SERPINB7: variants seen among roughly 807,000 people sequenced by gnomAD.
SERPINB7 encodes serpin B7.
SERPINB7 carries 31 observed loss-of-function variants against 37.4 expected under a neutral mutation model. That is an observed-to-expected ratio of 0.83 (90% CI 0.62 to 1.12). SERPINB7 has a LOEUF of 1.12. Ranked by LOEUF, SERPINB7 falls within the 50% of genes most tolerant of loss-of-function variation. The pLI is 0.00. For synonymous variants in SERPINB7, 163 were observed against 166.1 expected, an observed-to-expected ratio of 0.98 and a Z score of 0.14; for missense variants, 521 against 455.3, an observed-to-expected ratio of 1.14 and a Z score of -1.31.
intron 2 of SERPINB7, among the ~76,000 whole-genome samples, chr18:63,791,650 G>A (rs1246224764): frequency 6.6e-6 from 1 of 151,618 alleles, no homozygotes; most frequent in African/African-American, 2.4e-5. Flanking sequence ...TCACTCTGTT[G>A]CCCAGGCTGG....
intron 1 of SERPINB7, among the ~76,000 whole-genome samples, chr18:63,781,456 A>C (rs892731076): frequency 1.3e-5 from 2 of 152,234 alleles, no homozygotes; most frequent in African/African-American, 4.8e-5. Flanking sequence ...CCACACCATC[A>C]GATGTAATAT....
intron 1 of SERPINB7, chr18:63,777,835 T>C (rs1006940407): frequency 6.6e-6 from 1 of 151,558 alleles, no homozygotes; most frequent in Non-Finnish European, 1.5e-5. Context: ...GGTAAATACT[T>C]CTGAAGTCCA....
intron 5 of SERPINB7, among the ~76,000 whole-genome samples, chr18:63,796,614 T>C (rs2049491483): frequency 6.6e-6 from 1 of 152,200 alleles, no homozygotes; most frequent in East Asian, 1.9e-4. Flanking sequence ...CATTATCTCA[T>C]TTAATTGGCA....
exon 1 of SERPINB7, chr18:63,753,064 AGG>A (rs2049101400): frequency 1.3e-5 from 2 of 152,674 alleles, no homozygotes; most frequent in Non-Finnish European, 2.9e-5. Context: ...CTTAGGAGGT[AGG>A]AGGCAGGAGG....
In SERPINB7 at chr18:63,755,184, G is replaced by A. The variant is rs566953497; in HGVS notation, c.-19+2064G>A. On this transcript the variant is annotated intron_variant, in intron 1 of 7. Transcript: ENST00000336429. ...CTCCCAAAGTGCTGGGATTACAGGC[G>A]TGAGCCACCGCGCCCGGCCTAAACT... Among the ~76,000 whole-genome samples, 5 of 151,984 alleles carry A rather than the reference G, an allele frequency of 3.3e-5. No homozygotes were observed. The South Asian group carries it at 1.0e-3, about 32-fold the overall frequency.
At chr18:63,797,821 C>T (rs576941545) in intron 5 of SERPINB7, among the ~76,000 whole-genome samples, 4 of 152,336 alleles carry the variant, frequency 2.6e-5, no homozygotes, top group Admixed American at 1.3e-4. Context: ...TCTTCATTAT[C>T]AGGCCCTTGC....
At chr18:63,755,895 A>G (rs1186333884) in intron 1 of SERPINB7, among the ~76,000 whole-genome samples, 1 of 152,152 alleles carries the variant, frequency 6.6e-6, no homozygotes, top group Non-Finnish European at 1.5e-5. Flanking sequence ...CCCTGTCTCT[A>G]AAACAAAAAC....
At chr18:63,788,932 A>T (rs1203552932) in intron 2 of SERPINB7, among the ~76,000 whole-genome samples, 1 of 152,222 alleles carries the variant, frequency 6.6e-6, no homozygotes, top group African/African-American at 2.4e-5. Context: ...ACACTGTAAC[A>T]TTCACACAAT....
chr18:63,756,804 TTGTGTGTGTG>T (rs74169985), intron 1 of SERPINB7, among the ~76,000 whole-genome samples: 83 of 137,342 alleles, frequency 6.0e-4, no homozygotes, highest in African/African-American at 9.9e-4. Flanking sequence ...TTGGGGTAGC[TTGTGTGTGTG>T]TGTGTGTGTG....
chr18:63,798,419 C>A (rs920310437), intron 5 of SERPINB7, among the ~76,000 whole-genome samples, 185 bp from the exon 6 acceptor site: 4 of 151,978 alleles, frequency 2.6e-5, no homozygotes, highest in Non-Finnish European at 4.4e-5. Context: ...AGGATTAAAC[C>A]AAAGATTGCC....
chr18:63,798,118 T>C (rs1599020097), intron 5 of SERPINB7, among the ~76,000 whole-genome samples: 1 of 152,226 alleles, frequency 6.6e-6, no homozygotes, highest in African/African-American at 2.4e-5. Flanking sequence ...TCTTTCATAT[T>C]TGTAATTCAA....
At chr18:63,780,841 T>C (rs2049294599) in intron 1 of SERPINB7, among the ~76,000 whole-genome samples, 1 of 152,160 alleles carries the variant, frequency 6.6e-6, no homozygotes, top group African/African-American at 2.4e-5. Flanking sequence ...GTGCTTGGAA[T>C]TCCAAAGAGC....
chr18:63,783,168 AAAAT>A (rs1568207445), intron 2 of SERPINB7, among the ~76,000 whole-genome samples: 7 of 142,864 alleles, frequency 4.9e-5, no homozygotes, highest in African/African-American at 1.9e-4. Flanking sequence ...AAACAAAAAG[AAAAT>A]AAAGAAAGAA....
upstream of SERPINB7, among the ~76,000 whole-genome samples, chr18:63,773,734 G>A (rs2049225093): frequency 1.3e-5 from 2 of 152,172 alleles, 1 homozygote; most frequent in South Asian, 4.1e-4. Flanking sequence ...AATAATTAAT[G>A]TAACACGCCA....
At chr18:63,787,794 A>G (rs1420395537) in intron 2 of SERPINB7, among the ~76,000 whole-genome samples, 1 of 152,188 alleles carries the variant, frequency 6.6e-6, no homozygotes, top group Non-Finnish European at 1.5e-5. Context: ...GAATTACTAC[A>G]TTCTTTTTAC....
At position 63,768,767 on chromosome 18, in the gene SERPINB7, A is replaced by G. The variant is rs73469965; in HGVS notation, c.-18-13588A>G. Among the ~76,000 whole-genome samples, 1,520 of 152,176 alleles carry G rather than the reference A, an allele frequency of 1.0e-2. 27 individuals carry two copies. The highest frequency in any genetic ancestry group is 0.035 in the African/African-American group (1,448 of 41,524). On this transcript the variant is annotated intron_variant, in intron 1 of 7. Transcript: ENST00000336429. ...CACCATCAATTCATAGAATGTTTCC[A>G]TCACCCCCAAAACTCCCCAAGGTCC...
chr18:63,756,329 T>G (rs1189506527), intron 1 of SERPINB7, among the ~76,000 whole-genome samples: 1 of 152,178 alleles, frequency 6.6e-6, no homozygotes, highest in Non-Finnish European at 1.5e-5. Context: ...ATCATTAGAC[T>G]GTGTGGGTGT....
intron 1 of SERPINB7, among the ~76,000 whole-genome samples, chr18:63,756,805 TG>T (rs61310269): frequency 0.096 from 107 of 1,110 alleles, 2 homozygotes; most frequent in East Asian, 0.35. Flanking sequence ...TGGGGTAGCT[TG>T]TGTGTGTGTG....
intron 1 of SERPINB7, among the ~76,000 whole-genome samples, chr18:63,754,557 T>A (rs2049109623): frequency 6.6e-6 from 1 of 152,074 alleles, no homozygotes; most frequent in Non-Finnish European, 1.5e-5. Flanking sequence ...GTAACACTAG[T>A]CATTAGGGTG....
Sources: gnomAD v4.1 joint callset for allele counts (sites outside exome capture counted in the v4.1 genomes callset) on GRCh38, gnomAD v4.1.1 for gene constraint, MANE v1.5 for transcripts, NCBI Gene and HGNC (gene_info 2026-07-23, HGNC 2026-07-21) for gene names.